Variants in ZNF136 observed in about 807,000 individuals in gnomAD.
ZNF136 encodes the protein zinc finger protein 136, also known as zinc finger protein 136 (clone pHZ-20).
A neutral mutation model predicts 11.4 loss-of-function variants in ZNF136; 8 were observed. The observed-to-expected ratio is 0.70, with a 90% CI of 0.41 to 1.27. The LOEUF (loss-of-function observed/expected upper bound fraction) is 1.27, where lower values mean the gene tolerates loss of function less well. Among genes scored for constraint, ZNF136 ranks in the 50% most tolerant of loss-of-function variants. The pLI is 0.01. For synonymous variants in ZNF136, 190 were observed against 207.1 expected (o/e 0.92, Z 0.71); for missense variants, 590 against 656.5 (o/e 0.90, Z 1.11).
intron 1 of ZNF136, among the ~76,000 whole-genome samples, chr19:12,171,417 TTC>T (rs1914650709): frequency 6.6e-6 from 1 of 152,218 alleles, no homozygotes; most frequent in South Asian, 2.1e-4. Context: ...TTATAAGTAG[TTC>T]TCTTTATTTT....
At chr19:12,179,230 A>G (rs1401082531) in intron 1 of ZNF136, among the ~76,000 whole-genome samples, 4 of 152,182 alleles carry the variant, frequency 2.6e-5, no homozygotes, top group Non-Finnish European at 5.9e-5. Flanking sequence ...TATAAAAAAA[A>G]GTCATCATAA....
At chr19:12,168,381 C>T (rs991768790) in intron 1 of ZNF136, among the ~76,000 whole-genome samples, 5 of 151,878 alleles carry the variant, frequency 3.3e-5, no homozygotes, top group African/African-American at 7.3e-5. Flanking sequence ...CGACAAGCCC[C>T]GTTTTTGATC....
intron 1 of ZNF136, among the ~76,000 whole-genome samples, chr19:12,164,439 CTTTTTTTTT>C (rs61233117): frequency 0.18 from 22,091 of 122,792 alleles, 2,113 homozygotes; most frequent in African/African-American, 0.28. Flanking sequence ...TCCCAGATAA[CTTTTTTTTT>C]TTTTTTTTTT....
intron 1 of ZNF136, among the ~76,000 whole-genome samples, chr19:12,170,202 A>G (rs956201231): frequency 1.3e-5 from 2 of 152,092 alleles, no homozygotes; most frequent in African/African-American, 4.8e-5. Flanking sequence ...TGCTGGGATT[A>G]CAGGCGTGAG....
chr19:12,182,005 C>T (rs1434116127), intron 1 of ZNF136, among the ~76,000 whole-genome samples: 1 of 152,012 alleles, frequency 6.6e-6, no homozygotes, highest in Non-Finnish European at 1.5e-5. Context: ...CTCCTGACCT[C>T]AAGTGATCTA....
intron 1 of ZNF136, among the ~76,000 whole-genome samples, chr19:12,165,201 C>T (rs1014925813): frequency 6.6e-6 from 1 of 152,200 alleles, no homozygotes; most frequent in Admixed American, 6.5e-5. Flanking sequence ...TTTGGGTACA[C>T]AGTGTCGCGT....
chr19:12,164,141 C>G (rs1177204795), intron 1 of ZNF136, among the ~76,000 whole-genome samples: 1 of 152,146 alleles, frequency 6.6e-6, no homozygotes, highest in Non-Finnish European at 1.5e-5. Context: ...TAGGATAAAT[C>G]TAGCATACCC....
chr19:12,164,141 C>T (rs1177204795), intron 1 of ZNF136, among the ~76,000 whole-genome samples: 1 of 152,146 alleles, frequency 6.6e-6, no homozygotes, highest in Non-Finnish European at 1.5e-5. Context: ...TAGGATAAAT[C>T]TAGCATACCC....
At chr19:12,182,705 C>T (rs573395684) in intron 1 of ZNF136, among the ~76,000 whole-genome samples, 4 of 152,318 alleles carry the variant, frequency 2.6e-5, no homozygotes, top group African/African-American at 9.6e-5. Context: ...AAACCCACCT[C>T]TGCCAGGTTA....
rs566163453 is a variant in ZNF136 at position 12,170,533 on chromosome 19, G to A, written c.3+7327G>A. On this transcript the variant is annotated intron_variant, in intron 1 of 3. Transcript: ENST00000343979. ...CTCCCAAGTAGCTGGGACTACAGGC[G>A]TGTGCCACATGCCTGATTAATGGTT... 7.3e-5 allele frequency among the ~76,000 whole-genome samples: 11 copies of A among 150,702 alleles called. No homozygotes were observed. In the East Asian group the frequency reaches 1.8e-3, roughly 24 times the overall value.
At chr19:12,177,493 C>T (rs1475601757) in intron 1 of ZNF136, among the ~76,000 whole-genome samples, 4 of 152,168 alleles carry the variant, frequency 2.6e-5, no homozygotes, top group Admixed American at 2.6e-4. Context: ...GGATTACAGG[C>T]ACATGCCACC....
At chr19:12,186,281 AT>A in intron 3 of ZNF136, 107 bp downstream of exon 3, 2 of 1,196,804 alleles carry the variant, frequency 1.7e-6, no homozygotes, top group Admixed American at 3.0e-5. Flanking sequence ...AAATTGATTT[AT>A]TTTTTGAATA....
intron 1 of ZNF136, 82 bp downstream of exon 1, chr19:12,163,288 C>T: frequency 2.3e-6 from 3 of 1,326,138 alleles, no homozygotes; most frequent in Non-Finnish European, 2.9e-6. Flanking sequence ...GCGGCCCGGG[C>T]CTTCCCGTGG....
At chr19:12,184,595 C>T (rs2145641229) in intron 1 of ZNF136, 1 of 150,970 alleles carries the variant, frequency 6.6e-6, no homozygotes, top group South Asian at 2.1e-4. Flanking sequence ...CTTCATTAGT[C>T]TCATTTAGTA....
chr19:12,189,817 A>G lies in ZNF136; in HGVS notation c.*1816A>G, dbSNP rs893608188. 6.6e-6 allele frequency: 1 copy of G among 152,216 alleles called. No homozygotes were observed. The highest frequency in any genetic ancestry group is 2.4e-5 in the African/African-American group (1 of 41,452). The allele number at this position is 152,216 out of a possible 1,614,324, so 9.4% of individuals were successfully genotyped here. On this transcript the variant is annotated 3_prime_UTR_variant, in exon 4 of 4. Coordinates refer to ENST00000343979, the MANE Select transcript of ZNF136 (RefSeq NM_003437.5). ...ATTTATTCTGGCTGCTCTTTGTATAATTGATTTTGGGATAAGGAGACAGCT... is the reference window on the plus strand; with the variant it reads ...ATTTATTCTGGCTGCTCTTTGTATAGTTGATTTTGGGATAAGGAGACAGCT...
chr19:12,186,736 CACATCA>C lies in ZNF136; in HGVS notation c.360_365del (p.His120_Lys122delinsGln). 2 of 1,614,086 alleles carry C rather than the reference CACATCA, an allele frequency of 1.2e-6. No homozygotes were observed. The highest frequency in any genetic ancestry group is 1.7e-6 in the Non-Finnish European group (2 of 1,180,010). The stretch of plus-strand genomic sequence containing the variant: ...CATGGGTCAGTCATCCCTTAATAGA[CACATCA>C]AAGATCACAGTGGACATGAACCAAA... On this transcript the variant is annotated inframe_deletion, in exon 4 of 4. Coordinates refer to ENST00000343979, the MANE Select transcript of ZNF136 (RefSeq NM_003437.5).
At chr19:12,180,464 G>A (rs574549297) in intron 1 of ZNF136, among the ~76,000 whole-genome samples, 1 of 152,298 alleles carries the variant, frequency 6.6e-6, no homozygotes, top group African/African-American at 2.4e-5. Context: ...TGTGAGAAAG[G>A]AGAGGGGTTG....
chr19:12,186,887 G>T lies in ZNF136; in HGVS notation c.509G>T (p.Cys170Phe). The T allele has an allele frequency of 1.2e-6, 2 of 1,614,030 alleles. No homozygotes were observed. The highest frequency in any genetic ancestry group is 1.7e-5 in the Admixed American group (1 of 59,992). Residue 170 changes from cysteine to phenylalanine, a missense_variant, in exon 4 of 4, where the codon TGT (cysteine) becomes TTT (phenylalanine). Physicochemically the swap from Cys to Phe is radical, Grantham distance 205. Coordinates refer to ENST00000343979, the MANE Select transcript of ZNF136 (RefSeq NM_003437.5). ...IIHTGEKLYD[C>F]KECGKTFFSL... ...CACACTGGAGAGAAACTCTATGATT[G>T]TAAGGAATGTGGAAAAACCTTCTTT...
At chr19:12,186,281 A>G in intron 3 of ZNF136, 107 bp downstream of exon 3, 1 of 1,196,806 alleles carries the variant, frequency 8.4e-7, no homozygotes, top group Non-Finnish European at 1.2e-6. Context: ...AAATTGATTT[A>G]TTTTTTGAAT....
Sources: gnomAD v4.1 joint callset for allele counts (sites outside exome capture counted in the v4.1 genomes callset) on GRCh38, gnomAD v4.1.1 for gene constraint, MANE v1.5 for transcripts, NCBI Gene and HGNC (gene_info 2026-07-23, HGNC 2026-07-21) for gene names.